The following RIC1 variants were observed in gnomAD, a reference collection of about 807,000 sequenced individuals.
The protein encoded by RIC1 is guanine nucleotide exchange factor subunit RIC1.
Under a neutral mutation model 169.0 loss-of-function variants are expected in RIC1, and 88 were observed. The ratio of observed to expected loss-of-function variants is 0.52; its 90% CI spans 0.44 to 0.62. RIC1 has a LOEUF of 0.62. Ranked by LOEUF, RIC1 falls within the 20% of genes least tolerant of loss-of-function variation. The pLI is 0.00. For missense variants in RIC1, 1,877 were observed against 1,725.5 expected, an observed-to-expected ratio of 1.09 and a Z score of -1.56; for synonymous variants, 790 against 601.5, an observed-to-expected ratio of 1.31 and a Z score of -4.59.
Position 5,763,937 on chromosome 9 carries a change from G to T in RIC1, c.2841+69G>T. 2 of 1,469,994 alleles carry T rather than the reference G, an allele frequency of 1.4e-6. No individual in the cohort carries two copies. Among genetic ancestry groups the T allele is most frequent in the Admixed American group, 2.2e-5 (1 of 45,030 alleles). The allele number at this position is 1,469,994 out of a possible 1,614,324, so 91.1% of individuals were successfully genotyped here. A position where few individuals can be genotyped will look rare whatever the true frequency, so the allele number is the denominator to read the frequency against. On this transcript the variant is annotated intron_variant, in intron 19 of 25. Transcript: ENST00000414202. The surrounding 1 kb of genome is among the most constrained non-coding windows in gnomAD (Gnocchi z 5.2). ...AAACTTAGAAAAATAGAAATGTCCTGTTTTGACACCATGATTGTGTTTAAG... is the reference window on the plus strand; with the variant it reads ...AAACTTAGAAAAATAGAAATGTCCTTTTTTGACACCATGATTGTGTTTAAG...
rs550425143 is a variant in RIC1, at chr9:5,688,404, C to A, written c.253-1555C>A. On this transcript the variant is annotated intron_variant, in intron 2 of 25. Transcript: ENST00000414202. ...ATGACTGGCCTTCATTGCTTGATGCCAGTGTTTTGAAAAGTATTTCATAGA... is the reference window on the plus strand; with the variant it reads ...ATGACTGGCCTTCATTGCTTGATGCAAGTGTTTTGAAAAGTATTTCATAGA... Among the ~76,000 whole-genome samples, 64 of 152,196 alleles carry A rather than the reference C, an allele frequency of 4.2e-4. 1 individual carries two copies. Among genetic ancestry groups the A allele is most frequent in the African/African-American group, 1.4e-3 (59 of 41,534 alleles).
rs539908569 is a variant in RIC1 at position 5,719,235 on chromosome 9, T to C, written c.441-947T>C. ...GCGGTCTCATTTATGGGTTCCTCTT[T>C]CCTCTAACCCTTTCCCTCTTCTTGC... On this transcript the variant is annotated intron_variant, in intron 4 of 25. Coordinates refer to ENST00000414202, the MANE Select transcript of RIC1 (RefSeq NM_020829.4). The C allele has an allele frequency of 2.6e-5, 4 of 152,356 alleles. No individual in the cohort carries two copies. The East Asian group carries it at 7.7e-4, about 29-fold the overall frequency. The allele number at this position is 152,356 out of a possible 1,614,324, so 9.4% of individuals were successfully genotyped here.
At chr9:5,748,399 GTTGAAGGAT>G (rs537725094) in intron 12 of RIC1, among the ~76,000 whole-genome samples, 1 of 152,300 alleles carries the variant, frequency 6.6e-6, no homozygotes, top group South Asian at 2.1e-4. Context: ...CATGTGAAAG[GTTGAAGGAT>G]TATCTCCTAC....
rs113971806 is a variant in RIC1, at chr9:5,747,558, C to G, written c.1452+53C>G. 4.2e-6 allele frequency: 6 copies of G among 1,425,406 alleles called. No homozygotes were observed. In the Admixed American group the frequency reaches 6.9e-5, roughly 16 times the overall value. 88.3% of individuals were successfully genotyped at this position (1,425,406 alleles called of 1,614,324 possible). ...GACTTATTCTTTGATAGGATATCAC[C>G]TGGAACAGATTATTAAATATTTCAT... is the stretch of plus-strand genomic sequence containing the variant. On this transcript the variant is annotated intron_variant, in intron 12 of 25. Coordinates refer to ENST00000414202, the MANE Select transcript of RIC1 (RefSeq NM_020829.4).
intron 2 of RIC1, among the ~76,000 whole-genome samples, chr9:5,669,435 C>T (rs1297052694): frequency 1.3e-5 from 2 of 152,144 alleles, no homozygotes; most frequent in African/African-American, 4.8e-5. Context: ...TCTTCAATTC[C>T]ATCCAGGTTG....
chr9:5,716,281 A>T lies in RIC1; in HGVS notation c.440+2278A>T, dbSNP rs566063520. On this transcript the variant is annotated intron_variant, in intron 4 of 25. Coordinates refer to ENST00000414202, the MANE Select transcript of RIC1 (RefSeq NM_020829.4). ...TAGAGTGTATTTACCTAAATTTTTAAATGTACTCATTAACAGTTGTGATAT... is the reference window on the plus strand; with the variant it reads ...TAGAGTGTATTTACCTAAATTTTTATATGTACTCATTAACAGTTGTGATAT... Among the ~76,000 whole-genome samples, 10 of 152,254 alleles carry T rather than the reference A, an allele frequency of 6.6e-5. No homozygotes were observed. The East Asian group carries it at 1.7e-3, about 26-fold the overall frequency.
At chr9:5,711,686 A>T (rs962418839) in intron 3 of RIC1, among the ~76,000 whole-genome samples, 7 of 152,004 alleles carry the variant, frequency 4.6e-5, no homozygotes, top group African/African-American at 1.7e-4. Context: ...TTAACTCGTC[A>T]TTTACATTAG....
intron 1 of RIC1, among the ~76,000 whole-genome samples, chr9:5,648,706 C>T (rs1030469594): frequency 6.6e-6 from 1 of 152,140 alleles, no homozygotes; most frequent in African/African-American, 2.4e-5. Context: ...AATTGCTATT[C>T]TAACTGGGTT....
chr9:5,674,656 T>C (rs554898397), intron 2 of RIC1, among the ~76,000 whole-genome samples: 47 of 152,334 alleles, frequency 3.1e-4, no homozygotes, highest in South Asian at 2.1e-4. Context: ...CCATATCTTA[T>C]GTAAAGTGCC....
chr9:5,755,570 T>G (rs553021286), intron 15 of RIC1, among the ~76,000 whole-genome samples: 1 of 152,330 alleles, frequency 6.6e-6, no homozygotes, highest in Admixed American at 6.5e-5. Flanking sequence ...TAAGAGAGAC[T>G]ACTGTATCTG....
At chr9:5,687,958 G>T (rs1821353341) in intron 2 of RIC1, among the ~76,000 whole-genome samples, 1 of 151,748 alleles carries the variant, frequency 6.6e-6, no homozygotes, top group Non-Finnish European at 1.5e-5. Flanking sequence ...AATTTTTATT[G>T]CTGTGCTTTT....
intron 2 of RIC1, among the ~76,000 whole-genome samples, chr9:5,678,397 G>C (rs916404557): frequency 6.6e-6 from 1 of 151,724 alleles, no homozygotes; most frequent in Non-Finnish European, 1.5e-5. Context: ...GGTATTTCTA[G>C]TTCTAGATCC....
chr9:5,680,865 C>G (rs545427912), intron 2 of RIC1, among the ~76,000 whole-genome samples: 1 of 111,782 alleles, frequency 8.9e-6, no homozygotes, highest in Admixed American at 1.4e-4. Context: ...CTCGCTCTGT[C>G]GCCCAGGCTG....
chr9:5,747,776 T>C (rs1399584541), intron 12 of RIC1, among the ~76,000 whole-genome samples: 2 of 141,036 alleles, frequency 1.4e-5, no homozygotes, highest in South Asian at 2.3e-4. Flanking sequence ...TTGAGAACTA[T>C]TTATTTTACT....
At chr9:5,639,167 A>C (rs776624366) in intron 1 of RIC1, among the ~76,000 whole-genome samples, 16 of 152,122 alleles carry the variant, frequency 1.1e-4, no homozygotes. Context: ...TCGGCTCCCA[A>C]AGTGCTAGGA....
intron 6 of RIC1, among the ~76,000 whole-genome samples, chr9:5,732,017 G>A (rs1196479401): frequency 6.6e-6 from 1 of 152,214 alleles, no homozygotes; most frequent in Non-Finnish European, 1.5e-5. Flanking sequence ...GCTAGGTGAT[G>A]AGAATAATTA....
chr9:5,674,565 C>T (rs1171135425), intron 2 of RIC1, among the ~76,000 whole-genome samples: 2 of 152,196 alleles, frequency 1.3e-5, no homozygotes, highest in Non-Finnish European at 2.9e-5. Context: ...ATGCAAGAAA[C>T]TGCCTTTCCT....
intron 3 of RIC1, among the ~76,000 whole-genome samples, chr9:5,710,236 C>A (rs1239674506): frequency 1.3e-5 from 2 of 152,198 alleles, no homozygotes; most frequent in Non-Finnish European, 2.9e-5. Context: ...GGGCCATCAA[C>A]ATAGAGATTG....
At chr9:5,708,022 A>ATTG (rs1822698110) in intron 3 of RIC1, among the ~76,000 whole-genome samples, 1 of 151,284 alleles carries the variant, frequency 6.6e-6, no homozygotes, top group Non-Finnish European at 1.5e-5. Flanking sequence ...ATTTTTTTGC[A>ATTG]TTGTACCATT....
Sources: allele counts gnomAD v4.1 joint callset (sites outside exome capture counted in the v4.1 genomes callset), GRCh38; gene constraint gnomAD v4.1.1; non-coding constraint Gnocchi (gnomAD v3.1); transcripts MANE v1.5; gene names NCBI Gene and HGNC (gene_info 2026-07-23, HGNC 2026-07-21).